The following STPG2 variants were observed in gnomAD, a reference collection of about 807,000 sequenced individuals.
STPG2 encodes sperm-tail PG-rich repeat-containing protein 2.
STPG2 carries 56 observed loss-of-function variants against 54.2 expected under a neutral mutation model. The observed-to-expected ratio is 1.03, with a 90% CI of 0.83 to 1.29. STPG2 has a LOEUF of 1.29. STPG2 is among the 50% of genes most tolerant of loss of function. STPG2 has a pLI of 0.00. For synonymous variants in STPG2, 200 were observed against 181.8 expected, an observed-to-expected ratio of 1.10 and a Z score of -0.81; for missense variants, 596 against 544.9, an observed-to-expected ratio of 1.09 and a Z score of -0.93.
chr4:98,035,260 C>A (rs1736734975), intron 5 of STPG2, among the ~76,000 whole-genome samples: 1 of 151,876 alleles, frequency 6.6e-6, no homozygotes, highest in African/African-American at 2.4e-5. Context: ...AAGAAAAAAA[C>A]AAACAACCCC....
intron 9 of STPG2, among the ~76,000 whole-genome samples, chr4:97,735,274 C>T (rs189600452): frequency 6.6e-6 from 1 of 151,172 alleles, no homozygotes; most frequent in Non-Finnish European, 1.5e-5. Context: ...TATATATATA[C>T]ATACACAAAG....
chr4:97,714,191 C>T (rs1013909461), intron 9 of STPG2, among the ~76,000 whole-genome samples: 1 of 152,110 alleles, frequency 6.6e-6, no homozygotes, highest in South Asian at 2.1e-4. Flanking sequence ...ATTCAATCTA[C>T]CTACTTTGGC....
chr4:97,840,995 C>A, intron 8 of STPG2, 63 bp from the exon 9 acceptor site: 1 of 1,504,302 alleles, frequency 6.6e-7, no homozygotes, highest in Non-Finnish European at 9.0e-7. Context: ...CAAGAAGATA[C>A]CAGATGGATG....
intron 9 of STPG2, among the ~76,000 whole-genome samples, chr4:97,822,155 G>A (rs1211962436): frequency 6.6e-6 from 1 of 152,200 alleles, no homozygotes; most frequent in Non-Finnish European, 1.5e-5. Flanking sequence ...AGCATAGGCT[G>A]TTAGAAGCAA....
intron 9 of STPG2, among the ~76,000 whole-genome samples, chr4:97,789,822 G>C (rs530504155): frequency 1.3e-5 from 2 of 152,198 alleles, no homozygotes; most frequent in East Asian, 3.9e-4. Flanking sequence ...GGCTAGGCCT[G>C]TACCCATTAC....
intron 9 of STPG2, among the ~76,000 whole-genome samples, chr4:97,792,395 C>T (rs1475475122): frequency 1.3e-5 from 2 of 152,114 alleles, no homozygotes; most frequent in Non-Finnish European, 2.9e-5. Flanking sequence ...TAATCAGAAC[C>T]ATTGGCATAT....
chr4:97,539,020 C>T (rs1731617893), intron 4 of STPG2, among the ~76,000 whole-genome samples: 1 of 152,138 alleles, frequency 6.6e-6, no homozygotes, highest in Non-Finnish European at 1.5e-5. Flanking sequence ...CCAGGCCTGT[C>T]CTACAAGAGC....
chr4:97,899,179 T>G (rs7696354), intron 8 of STPG2, among the ~76,000 whole-genome samples: 1 of 151,580 alleles, frequency 6.6e-6, no homozygotes, highest in African/African-American at 2.4e-5. Flanking sequence ...ACACCAACAA[T>G]AGGCAAACTG....
At chr4:97,684,336 T>C (rs1723121733) in intron 10 of STPG2, among the ~76,000 whole-genome samples, 1 of 151,924 alleles carries the variant, frequency 6.6e-6, no homozygotes, top group Non-Finnish European at 1.5e-5. Flanking sequence ...ACTTCAAGTC[T>C]AACTATAAAG....
intron 3 of STPG2, among the ~76,000 whole-genome samples, chr4:98,114,315 T>C (rs769448100): frequency 7.2e-5 from 11 of 152,128 alleles, no homozygotes; most frequent in Non-Finnish European, 1.3e-4. Flanking sequence ...TAATTGTGCA[T>C]ATTTTTTTCT....
At chr4:97,726,902 G>T (rs1724642878) in intron 9 of STPG2, among the ~76,000 whole-genome samples, 1 of 151,526 alleles carries the variant, frequency 6.6e-6, no homozygotes, top group South Asian at 2.1e-4. Context: ...TCCTCCAACT[G>T]ATTCTTTTCA....
intron 8 of STPG2, among the ~76,000 whole-genome samples, chr4:97,856,079 A>G (rs556347353): frequency 2.6e-5 from 4 of 152,266 alleles, no homozygotes; most frequent in African/African-American, 9.6e-5. Flanking sequence ...GCCCCGGACT[A>G]TAGTGTGAAG....
intron 5 of STPG2, among the ~76,000 whole-genome samples, chr4:98,099,090 G>T (rs1457541724): frequency 6.6e-6 from 1 of 152,032 alleles, no homozygotes; most frequent in Admixed American, 6.6e-5. Context: ...GCTGCCATAT[G>T]AACCAGCAAC....
chr4:97,818,095 C>G (rs949595828), intron 9 of STPG2, among the ~76,000 whole-genome samples: 1 of 151,774 alleles, frequency 6.6e-6, no homozygotes, highest in Non-Finnish European at 1.5e-5. Context: ...CAAGCTGACC[C>G]TATTATTTTT....
At chr4:97,970,190 T>C (rs1401609745) in intron 7 of STPG2, among the ~76,000 whole-genome samples, 1 of 152,174 alleles carries the variant, frequency 6.6e-6, no homozygotes, top group Admixed American at 6.5e-5. Flanking sequence ...TATTCCATGC[T>C]CATGGGTAGG....
chr4:97,928,846 A>G (rs987499682), intron 8 of STPG2, among the ~76,000 whole-genome samples: 2 of 149,680 alleles, frequency 1.3e-5, no homozygotes, highest in African/African-American at 2.4e-5. Context: ...GTCTTCTTTT[A>G]TTTGTGTAGT....
At chr4:97,915,303 T>C (rs993437459) in intron 8 of STPG2, among the ~76,000 whole-genome samples, 22 of 152,162 alleles carry the variant, frequency 1.4e-4, no homozygotes, top group Admixed American at 7.2e-4. Context: ...TTGCTTGCCA[T>C]GTGCCAAGTG....
intron 10 of STPG2, among the ~76,000 whole-genome samples, chr4:97,656,171 C>T (rs1277889226): frequency 6.6e-6 from 1 of 152,098 alleles, no homozygotes; most frequent in Non-Finnish European, 1.5e-5. Flanking sequence ...TGTTAAAGAA[C>T]ACATGGGTAT....
intron 5 of STPG2, among the ~76,000 whole-genome samples, chr4:98,053,485 C>T (rs1737389371): frequency 6.6e-6 from 1 of 151,998 alleles, no homozygotes; most frequent in Non-Finnish European, 1.5e-5. Flanking sequence ...TTAACTATAG[C>T]TATATAAAAC....
Sources: allele counts gnomAD v4.1 joint callset (sites outside exome capture counted in the v4.1 genomes callset), GRCh38; gene constraint gnomAD v4.1.1; transcripts MANE v1.5; gene names NCBI Gene and HGNC (gene_info 2026-07-23, HGNC 2026-07-21).